The following CAST variants were observed in gnomAD, a reference collection of about 807,000 sequenced individuals.
CAST encodes calpastatin.
CAST carries 76 observed loss-of-function variants against 119.6 expected under a neutral mutation model. The observed-to-expected ratio is 0.64, with a 90% CI of 0.53 to 0.77. The LOEUF (loss-of-function observed/expected upper bound fraction) is 0.77. Among genes scored for constraint, CAST ranks in the 30% least tolerant of loss-of-function variants. CAST has a pLI of 0.00. For missense variants in CAST, 953 were observed against 946.5 expected, an observed-to-expected ratio of 1.01 and a Z score of -0.09; for synonymous variants, 319 against 331.6, an observed-to-expected ratio of 0.96 and a Z score of 0.41.
chr5:96,461,163 AT>A, the CAST span, among the ~76,000 whole-genome samples: 1 of 152,136 alleles, frequency 6.6e-6, no homozygotes, highest in African/African-American at 2.4e-5. Flanking sequence ...TGCTTTCAAG[AT>A]TCCTTCATGC....
the CAST span, among the ~76,000 whole-genome samples, chr5:96,421,436 T>A: frequency 6.6e-6 from 1 of 152,206 alleles, no homozygotes; most frequent in Non-Finnish European, 1.5e-5. Context: ...CTGAGAGAAC[T>A]GGTGAAGGTG....
intron 8 of CAST, among the ~76,000 whole-genome samples, chr5:96,730,056 C>A (rs1246358006): frequency 6.6e-6 from 1 of 151,418 alleles, no homozygotes; most frequent in African/African-American, 2.4e-5. Context: ...GCCTCCTGGA[C>A]CCCCCACACC....
the CAST span, among the ~76,000 whole-genome samples, chr5:96,504,216 C>A: frequency 6.6e-6 from 1 of 152,170 alleles, no homozygotes; most frequent in Non-Finnish European, 1.5e-5. Context: ...CACTCTCCAC[C>A]CTCTCCCCAG....
At chr5:96,330,862 T>C in the CAST span, among the ~76,000 whole-genome samples, 2 of 152,054 alleles carry the variant, frequency 1.3e-5, no homozygotes, top group Non-Finnish European at 2.9e-5. Context: ...TGGAGTGACT[T>C]CGGGAGAGGG....
the CAST span, among the ~76,000 whole-genome samples, chr5:96,085,746 G>A: frequency 6.6e-6 from 1 of 152,218 alleles, no homozygotes; most frequent in Non-Finnish European, 1.5e-5. Flanking sequence ...GTCACTCATG[G>A]GCTTGGGCAG....
the CAST span, among the ~76,000 whole-genome samples, chr5:96,413,196 T>A: frequency 1.2e-4 from 18 of 152,246 alleles, no homozygotes; most frequent in Non-Finnish European, 1.9e-4. Context: ...ATCTCAAGGA[T>A]GAAATCATTG....
chr5:96,725,971 T>C (rs1288029968), intron 4 of CAST, among the ~76,000 whole-genome samples: 1 of 152,192 alleles, frequency 6.6e-6, no homozygotes, highest in Admixed American at 6.5e-5. Context: ...CAAGGGGCCA[T>C]TATTTGAAGA....
chr5:96,256,369 TAATA>T, the CAST span, among the ~76,000 whole-genome samples: 1 of 102,598 alleles, frequency 9.7e-6, no homozygotes, highest in African/African-American at 5.1e-5. Context: ...AAATATACAG[TAATA>T]TATATATATA....
chr5:96,364,421 T>C, the CAST span, among the ~76,000 whole-genome samples: 3 of 152,236 alleles, frequency 2.0e-5, no homozygotes, highest in Non-Finnish European at 4.4e-5. Flanking sequence ...CAGCTCCTTC[T>C]TGTAGAATTC....
the CAST span, chr5:96,110,802 C>A: frequency 6.6e-6 from 1 of 152,162 alleles, no homozygotes; most frequent in South Asian, 2.1e-4. Context: ...AGCTCCAGAG[C>A]ACAATCAGAT....
At chr5:96,254,531 A>G in the CAST span, among the ~76,000 whole-genome samples, 1 of 152,138 alleles carries the variant, frequency 6.6e-6, no homozygotes, top group Non-Finnish European at 1.5e-5. Flanking sequence ...TCTTTGCAAT[A>G]TTCCTTTCTT....
At chr5:96,043,508 G>C in the CAST span, among the ~76,000 whole-genome samples, 2 of 152,124 alleles carry the variant, frequency 1.3e-5, no homozygotes, top group Non-Finnish European at 2.9e-5. Context: ...TCTTGAGGTA[G>C]GGTGGTTCCT....
At chr5:96,603,845 G>T (rs1402804972) in intron 1 of CAST, among the ~76,000 whole-genome samples, 2 of 141,366 alleles carry the variant, frequency 1.4e-5, no homozygotes, top group East Asian at 4.2e-4. Context: ...GCTCACTGCA[G>T]CTCAACCTCC....
upstream of CAST, among the ~76,000 whole-genome samples, chr5:96,522,777 C>T (rs1745538642): frequency 6.6e-6 from 1 of 152,076 alleles, no homozygotes; most frequent in African/African-American, 2.4e-5. Flanking sequence ...TTGTTCCACC[C>T]GAGAGAAATT....
At chr5:96,341,774 C>A in the CAST span, among the ~76,000 whole-genome samples, 1 of 152,124 alleles carries the variant, frequency 6.6e-6, no homozygotes, top group Non-Finnish European at 1.5e-5. Flanking sequence ...CATGAACCTA[C>A]CACGGCACTG....
chr5:96,679,138 T>C (rs1330107433), intron 2 of CAST, among the ~76,000 whole-genome samples: 2 of 151,678 alleles, frequency 1.3e-5, no homozygotes, highest in Non-Finnish European at 2.9e-5. Context: ...GGATTATAAG[T>C]GTGAGCCACC....
chr5:96,210,663 T>C, the CAST span, among the ~76,000 whole-genome samples: 2 of 152,064 alleles, frequency 1.3e-5, no homozygotes, highest in Admixed American at 1.3e-4. Context: ...GCTGTTTTTC[T>C]TCCTTTACTT....
the CAST span, among the ~76,000 whole-genome samples, chr5:95,990,969 TTCTAAC>T: frequency 6.6e-6 from 1 of 152,204 alleles, no homozygotes; most frequent in Admixed American, 6.5e-5. Flanking sequence ...TCACTCTTCC[TTCTAAC>T]TCTAATTAGT....
At chr5:96,325,871 G>A in the CAST span, among the ~76,000 whole-genome samples, 49 of 152,150 alleles carry the variant, frequency 3.2e-4, no homozygotes, top group Non-Finnish European at 5.7e-4. Flanking sequence ...GGCACCAATG[G>A]GTAGATTTCT....
Sources: allele counts gnomAD v4.1 joint callset (sites outside exome capture counted in the v4.1 genomes callset), GRCh38; gene constraint gnomAD v4.1.1; transcripts MANE v1.5; gene names NCBI Gene and HGNC (gene_info 2026-07-23, HGNC 2026-07-21).